Variants in LPP observed in about 807,000 individuals in gnomAD.
LPP encodes the protein lipoma-preferred partner.
A neutral mutation model predicts 60.4 loss-of-function variants in LPP; 38 were observed. The observed-to-expected ratio is 0.63, with a 90% CI of 0.49 to 0.83. The LOEUF is 0.83. Ranked by LOEUF, LPP falls within the 40% of genes least tolerant of loss-of-function variation. The pLI is 0.00. For missense variants in LPP, 902 were observed against 783.6 expected (o/e 1.15, Z -1.80); for synonymous variants, 328 against 290.8 (o/e 1.13, Z -1.30).
At chr3:188,454,239 G>A (rs1271022975) in intron 4 of LPP, among the ~76,000 whole-genome samples, 2 of 152,176 alleles carry the variant, frequency 1.3e-5, no homozygotes, top group African/African-American at 4.8e-5. Context: ...GCTTGTAACT[G>A]CCGTGCAATG....
At chr3:188,508,491 G>A (rs1814218283) in intron 5 of LPP, among the ~76,000 whole-genome samples, 2 of 152,204 alleles carry the variant, frequency 1.3e-5, no homozygotes, top group Admixed American at 1.3e-4. Flanking sequence ...CTAATTTGTG[G>A]ATATTGCTGT....
At position 188,296,106 on chromosome 3, in the gene LPP, G is replaced by C. The variant is rs868573049; in HGVS notation, c.-66-45557G>C. Among the ~76,000 whole-genome samples the C allele has an allele frequency of 2.6e-5, 4 of 152,270 alleles. No individual in the cohort carries two copies. In the Middle Eastern group the frequency reaches 0.01, roughly 388 times the overall value. On this transcript the variant is annotated intron_variant, in intron 2 of 11. Coordinates refer to ENST00000617246, the MANE Select transcript of LPP (RefSeq NM_001375462.1). ...CCTAGGAAAGGTTAAGCAAGATCGTGAATATAATGCTCTTCGTTTCATGCC... is the reference window on the plus strand; with the variant it reads ...CCTAGGAAAGGTTAAGCAAGATCGTCAATATAATGCTCTTCGTTTCATGCC...
intron 9 of LPP, among the ~76,000 whole-genome samples, chr3:188,776,037 G>A (rs1421710864): frequency 6.6e-6 from 1 of 152,242 alleles, no homozygotes; most frequent in Non-Finnish European, 1.5e-5. Flanking sequence ...GTGTGCAAAA[G>A]ACTGTGCTCC....
At chr3:188,350,517 C>G (rs963913904) in intron 3 of LPP, among the ~76,000 whole-genome samples, 5 of 152,176 alleles carry the variant, frequency 3.3e-5, no homozygotes, top group Admixed American at 2.6e-4. Flanking sequence ...AGAGAAATCA[C>G]TTCCTTTTGG....
At chr3:188,661,073 T>C (rs1160696444) in intron 7 of LPP, among the ~76,000 whole-genome samples, 1 of 152,192 alleles carries the variant, frequency 6.6e-6, no homozygotes, top group African/African-American at 2.4e-5. Flanking sequence ...CAGAATGTCT[T>C]ATAGTTGGGA....
At chr3:188,459,981 G>A (rs1040630840) in intron 4 of LPP, among the ~76,000 whole-genome samples, 11 of 152,032 alleles carry the variant, frequency 7.2e-5, no homozygotes, top group Admixed American at 6.6e-5. Context: ...AAATACTGTC[G>A]AAGACATGGT....
At chr3:188,498,157 T>C (rs1810783969) in intron 5 of LPP, among the ~76,000 whole-genome samples, 1 of 152,134 alleles carries the variant, frequency 6.6e-6, no homozygotes, top group African/African-American at 2.4e-5. Context: ...TATGTTCTTT[T>C]TTTTCCCCCC....
intron 9 of LPP, among the ~76,000 whole-genome samples, chr3:188,771,303 C>T (rs1032772893): frequency 2.6e-5 from 4 of 151,866 alleles, no homozygotes; most frequent in African/African-American, 7.3e-5. Context: ...AATCCCAGCA[C>T]GTTGGGAGGC....
intron 7 of LPP, among the ~76,000 whole-genome samples, chr3:188,663,595 C>T (rs1306747723): frequency 2.0e-5 from 3 of 152,094 alleles, no homozygotes; most frequent in Admixed American, 6.6e-5. Flanking sequence ...TGCATATTTT[C>T]AGAACATATG....
At chr3:188,250,959 CT>C (rs1253368931) in intron 2 of LPP, among the ~76,000 whole-genome samples, 1 of 36,382 alleles carries the variant, frequency 2.7e-5, no homozygotes, top group Non-Finnish European at 5.1e-5. Context: ...CTTCCCTTCC[CT>C]TCCCTTCCCT....
chr3:188,713,091 C>T (rs1712273075), intron 8 of LPP, among the ~76,000 whole-genome samples: 1 of 152,122 alleles, frequency 6.6e-6, no homozygotes, highest in African/African-American at 2.4e-5. Flanking sequence ...GGAGAGGTCT[C>T]CTGGAAGCCG....
chr3:188,793,035 G>A (rs1744259473), intron 9 of LPP, among the ~76,000 whole-genome samples: 1 of 152,130 alleles, frequency 6.6e-6, no homozygotes, highest in Non-Finnish European at 1.5e-5. Context: ...GTGGGCACCG[G>A]TCCACATCAC....
rs532418753 is a variant in LPP at position 188,716,571 on chromosome 3, A to C, written c.1240+8178A>C. 2.6e-5 allele frequency among the ~76,000 whole-genome samples: 4 copies of C among 152,348 alleles called. No homozygotes were observed. The East Asian group carries it at 7.7e-4, about 29-fold the overall frequency. ...TGAAGGTATGGAGAGAGGAAAACCT[A>C]GAGCCCTCATTGCTGTTGAAAGACT... is the stretch of plus-strand genomic sequence containing the variant. On this transcript the variant is annotated intron_variant, in intron 8 of 11. Coordinates refer to ENST00000617246, the MANE Select transcript of LPP (RefSeq NM_001375462.1).
At chr3:188,245,651 C>T (rs534603367) in intron 2 of LPP, among the ~76,000 whole-genome samples, 2 of 147,992 alleles carry the variant, frequency 1.4e-5, no homozygotes, top group East Asian at 3.9e-4. Context: ...TTTCTAACCC[C>T]ACACTTTTTT....
intron 9 of LPP, among the ~76,000 whole-genome samples, chr3:188,847,293 A>G (rs1018112946): frequency 1.3e-5 from 2 of 152,190 alleles, no homozygotes; most frequent in African/African-American, 2.4e-5. Context: ...GTCAGGACTG[A>G]TGAAAACCTA....
chr3:188,421,738 C>A (rs1050849943), intron 4 of LPP, among the ~76,000 whole-genome samples: 1 of 152,182 alleles, frequency 6.6e-6, no homozygotes, highest in Non-Finnish European at 1.5e-5. Flanking sequence ...CTGTCTCCAT[C>A]TGCTTAAGCT....
intron 2 of LPP, among the ~76,000 whole-genome samples, chr3:188,268,642 GGCTAAACGTAATTTA>G (rs1371784461): frequency 9.9e-5 from 15 of 152,184 alleles, no homozygotes; most frequent in African/African-American, 3.6e-4. Flanking sequence ...GGCAGCTTTA[GGCTAAACGTAATTTA>G]ACAAGATTCA....
chr3:188,490,811 G>A (rs1175036926), intron 5 of LPP, among the ~76,000 whole-genome samples: 1 of 136,958 alleles, frequency 7.3e-6, no homozygotes, highest in African/African-American at 2.8e-5. Flanking sequence ...CTGGAGTGCA[G>A]TGGTGTGATC....
intron 2 of LPP, among the ~76,000 whole-genome samples, chr3:188,287,213 T>G (rs1244062104): frequency 1.3e-5 from 2 of 152,210 alleles, no homozygotes; most frequent in Non-Finnish European, 2.9e-5. Context: ...AGCACAAGTT[T>G]AAAAATTACA....
Sources: allele counts gnomAD v4.1 joint callset (sites outside exome capture counted in the v4.1 genomes callset), GRCh38; gene constraint gnomAD v4.1.1; transcripts MANE v1.5; gene names NCBI Gene and HGNC (gene_info 2026-07-23, HGNC 2026-07-21).